The following TYW1B variants were observed in gnomAD, a reference collection of about 807,000 sequenced individuals.
TYW1B encodes the protein tRNA-yW synthesizing protein 1 homolog B.
Under a neutral mutation model 86.9 loss-of-function variants are expected in TYW1B, and 73 were observed. That is an observed-to-expected ratio of 0.84 (90% CI 0.70 to 1.02). The LOEUF (loss-of-function observed/expected upper bound fraction) is 1.02. TYW1B is among the 50% of genes least tolerant of loss of function. The pLI, the probability that TYW1B is intolerant of heterozygous loss-of-function variation, is 0.00. For missense variants in TYW1B, 637 were observed against 827.4 expected (o/e 0.77, Z 2.82); for synonymous variants, 248 against 292.8 (o/e 0.85, Z 1.56).
chr7:72,782,019 C>T (rs1554471725), intron 6 of TYW1B, among the ~76,000 whole-genome samples: 1 of 152,148 alleles, frequency 6.6e-6, no homozygotes, highest in African/African-American at 2.4e-5. Flanking sequence ...TGCAGTGGCT[C>T]ATGCCTGTAA....
chr7:72,667,528 A>G (rs1219030510), intron 11 of TYW1B, among the ~76,000 whole-genome samples: 18 of 152,168 alleles, frequency 1.2e-4, no homozygotes. Context: ...AGGCTGGGCA[A>G]CACGGCAAAA....
chr7:72,688,080 T>C (rs1266145415), intron 11 of TYW1B, among the ~76,000 whole-genome samples: 1 of 152,172 alleles, frequency 6.6e-6, no homozygotes, highest in Non-Finnish European at 1.5e-5. Context: ...TACAACATGA[T>C]TTCAATTTTA....
intron 8 of TYW1B, among the ~76,000 whole-genome samples, chr7:72,737,784 C>CT (rs1188706215): frequency 4.0e-5 from 3 of 74,676 alleles, no homozygotes; most frequent in Non-Finnish European, 8.6e-5. Context: ...TCACATTTTA[C>CT]TTCTTTTTTT....
chr7:72,808,863 G>A (rs140039897), intron 4 of TYW1B, among the ~76,000 whole-genome samples: 113 of 151,892 alleles, frequency 7.4e-4, no homozygotes, highest in African/African-American at 2.4e-3. Context: ...CACCTCCACC[G>A]TCACTCACAC....
rs1786865848 is a variant in TYW1B at position 72,719,993 on chromosome 7, G to A, written c.1193-6195C>T. Among the ~76,000 whole-genome samples the A allele has an allele frequency of 7.9e-5, 12 of 152,100 alleles. 1 individual carries two copies. The South Asian group carries it at 2.5e-3, about 32-fold the overall frequency. On this transcript the variant is annotated intron_variant, in intron 9 of 13. Transcript: ENST00000620995. ...CGGGTTCTCCGTTGAGAACAGAGGGGCAAGGAGAGAGGATAATCTGCCGAC... is the reference window on the plus strand; with the variant it reads ...CGGGTTCTCCGTTGAGAACAGAGGGACAAGGAGAGAGGATAATCTGCCGAC...
At chr7:72,657,561 T>C (rs1307423554) in intron 11 of TYW1B, among the ~76,000 whole-genome samples, 2 of 152,090 alleles carry the variant, frequency 1.3e-5, no homozygotes, top group Non-Finnish European at 2.9e-5. Context: ...AGTCAAGCTG[T>C]CAAAAGTGAA....
In TYW1B at chr7:72,649,503, G is replaced by A. The variant is rs183108614; in HGVS notation, c.1507-20506C>T. On this transcript the variant is annotated intron_variant, in intron 11 of 13. Transcript: ENST00000620995. ...TCAGACTCCCATGACTTCAAGCAACGTACTGACTTGGATGTCCGAGGATAC... is the reference window on the plus strand; with the variant it reads ...TCAGACTCCCATGACTTCAAGCAACATACTGACTTGGATGTCCGAGGATAC... 3.4e-3 allele frequency among the ~76,000 whole-genome samples: 522 copies of A among 152,244 alleles called. 5 individuals are homozygous for A. Among genetic ancestry groups the A allele is most frequent in the South Asian group, 8.5e-3 (41 of 4,828 alleles).
At chr7:72,605,902 G>C (rs1377985932) in intron 13 of TYW1B, among the ~76,000 whole-genome samples, 1 of 152,116 alleles carries the variant, frequency 6.6e-6, no homozygotes, top group African/African-American at 2.4e-5. Context: ...TGGCATTACT[G>C]TTCACTAGGA....
chr7:72,621,218 A>G lies in TYW1B; in HGVS notation c.1618-4379T>C, dbSNP rs183673348. Among the ~76,000 whole-genome samples, 36 of 152,202 alleles carry G rather than the reference A, an allele frequency of 2.4e-4. No homozygotes were observed. In the Middle Eastern group the frequency reaches 0.01, roughly 43 times the overall value. On this transcript the variant is annotated intron_variant, in intron 12 of 13. Coordinates refer to ENST00000620995, the MANE Select transcript of TYW1B (RefSeq NM_001145440.3). Reference sequence around the variant, plus strand: ...TGACTGAAAGCAGCCTGTGGCCCTCACCACAAGCAGCTGTTGGCACCATGC... The same window carrying G: ...TGACTGAAAGCAGCCTGTGGCCCTCGCCACAAGCAGCTGTTGGCACCATGC...
intron 4 of TYW1B, among the ~76,000 whole-genome samples, chr7:72,807,869 A>G (rs1788527070): frequency 6.6e-6 from 1 of 152,204 alleles, no homozygotes. Context: ...TAAGAGTTCA[A>G]AAACTTAATA....
chr7:72,602,684 G>A (rs1289987312), intron 13 of TYW1B, among the ~76,000 whole-genome samples: 1 of 152,154 alleles, frequency 6.6e-6, no homozygotes, highest in Non-Finnish European at 1.5e-5. Flanking sequence ...TGCCCAGCAT[G>A]GCAGCATACA....
chr7:72,602,511 G>A (rs546797119), intron 13 of TYW1B, among the ~76,000 whole-genome samples: 1 of 152,118 alleles, frequency 6.6e-6, no homozygotes, highest in African/African-American at 2.4e-5. Context: ...GCCCAACAAT[G>A]AGCATACCTT....
Position 72,575,673 on chromosome 7 carries a change from A to G in TYW1B, c.1832T>C (p.Phe611Ser), listed in dbSNP as rs782733840. 6 of 1,613,516 alleles carry G rather than the reference A, an allele frequency of 3.7e-6. No individual in the cohort carries two copies. Among genetic ancestry groups the G allele is most frequent in the Non-Finnish European group, 5.1e-6 (6 of 1,179,734 alleles). ...EWWTWIDYNRFQELIQEYEDS... is the reference protein window; with the variant it reads ...EWWTWIDYNRSQELIQEYEDS... ...TTCATATTCCTGGATGAGCTCCTGGAAGCGGTTATAATCGATCCATGTCCA... is the reference window on the plus strand; with the variant it reads ...TTCATATTCCTGGATGAGCTCCTGGGAGCGGTTATAATCGATCCATGTCCA... The change falls in exon 14 of 14, where the codon TTC becomes TCC. Residue 611 changes from phenylalanine to serine, a missense_variant. Transcript: ENST00000620995.
rs567177082 is a variant in TYW1B, at chr7:72,655,928, C to T, written c.1507-26931G>A. ...CCACTGCCACTACTGCTAGAGCCAGCGCCATGGCACACTGCCTGGGGCCTA... is the reference window on the plus strand; with the variant it reads ...CCACTGCCACTACTGCTAGAGCCAGTGCCATGGCACACTGCCTGGGGCCTA... On this transcript the variant is annotated intron_variant, in intron 11 of 13. Coordinates refer to ENST00000620995, the MANE Select transcript of TYW1B (RefSeq NM_001145440.3). Among the ~76,000 whole-genome samples, 42 of 152,288 alleles carry T rather than the reference C, an allele frequency of 2.8e-4. No homozygotes were observed. In the South Asian group the frequency reaches 4.6e-3, roughly 17 times the overall value.
At chr7:72,670,278 G>A (rs777347080) in intron 11 of TYW1B, among the ~76,000 whole-genome samples, 2 of 152,154 alleles carry the variant, frequency 1.3e-5, no homozygotes, top group Non-Finnish European at 2.9e-5. Context: ...TGCAACCTCC[G>A]CCTCCAAGGT....
At chr7:72,817,004 T>G (rs1248148464) in intron 2 of TYW1B, among the ~76,000 whole-genome samples, 2 of 152,160 alleles carry the variant, frequency 1.3e-5, no homozygotes, top group African/African-American at 4.8e-5. Context: ...GGCAGTGGTG[T>G]GGAACCCTAA....
At chr7:72,677,314 A>ATTT (rs536089405) in intron 11 of TYW1B, among the ~76,000 whole-genome samples, 4 of 143,708 alleles carry the variant, frequency 2.8e-5, no homozygotes, top group South Asian at 2.2e-4. Context: ...CACCTGGTTG[A>ATTT]TTTTTTTTTT....
chr7:72,615,406 C>G (rs1470746676), intron 13 of TYW1B, among the ~76,000 whole-genome samples: 6 of 152,220 alleles, frequency 3.9e-5, no homozygotes, highest in African/African-American at 1.4e-4. Context: ...CTTCACCGTT[C>G]AGACCTCAGA....
intron 6 of TYW1B, among the ~76,000 whole-genome samples, chr7:72,779,543 C>G (rs1221568615): frequency 3.3e-5 from 5 of 151,730 alleles, no homozygotes; most frequent in African/African-American, 7.3e-5. Context: ...ATGGTGAAAC[C>G]CTGTCTCTAC....
Sources: allele counts gnomAD v4.1 joint callset (sites outside exome capture counted in the v4.1 genomes callset), GRCh38; gene constraint gnomAD v4.1.1; transcripts MANE v1.5; gene names NCBI Gene and HGNC (gene_info 2026-07-23, HGNC 2026-07-21).